The following CCNY variants were observed in gnomAD, a reference collection of about 807,000 sequenced individuals.
The protein encoded by CCNY is cyclin Y.
Under a neutral mutation model 42.8 loss-of-function variants are expected in CCNY, and 19 were observed. That is an observed-to-expected ratio of 0.44 (90% CI 0.31 to 0.65). CCNY has a LOEUF of 0.65. Ranked by LOEUF, CCNY falls within the 30% of genes least tolerant of loss-of-function variation. CCNY has a pLI of 0.07. For missense variants in CCNY, 370 were observed against 437.3 expected, an observed-to-expected ratio of 0.85 and a Z score of 1.37; for synonymous variants, 165 against 162.7, an observed-to-expected ratio of 1.01 and a Z score of -0.11.
chr10:35,498,763 CTG>C (rs777337627), intron 2 of CCNY, among the ~76,000 whole-genome samples: 14 of 152,186 alleles, frequency 9.2e-5, no homozygotes, highest in Non-Finnish European at 1.6e-4. Flanking sequence ...TTCTCAGAAA[CTG>C]TGCAGACTTC....
chr10:35,293,349 T>A (rs1285051334), intron 3 of CCNY, among the ~76,000 whole-genome samples: 1 of 152,224 alleles, frequency 6.6e-6, no homozygotes, highest in East Asian at 1.9e-4. Context: ...AAAACCATAC[T>A]GTCTTGATTA....
intron 3 of CCNY, among the ~76,000 whole-genome samples, chr10:35,270,737 T>TG (rs1488780399): frequency 6.7e-6 from 1 of 149,128 alleles, no homozygotes; most frequent in East Asian, 1.9e-4. Context: ...TCTTTTTTTT[T>TG]TTTTTTGAGA....
chr10:35,448,661 C>T (rs539078056), intron 1 of CCNY, among the ~76,000 whole-genome samples: 155 of 152,072 alleles, frequency 1.0e-3, no homozygotes, highest in African/African-American at 3.5e-3. Flanking sequence ...AAGGAGCCTT[C>T]CCAGCAGAGT....
upstream of CCNY, among the ~76,000 whole-genome samples, chr10:35,334,350 T>G (rs754110117): frequency 5.3e-5 from 8 of 152,350 alleles, no homozygotes; most frequent in Middle Eastern, 3.4e-3. Flanking sequence ...GACTGGATGC[T>G]GACTTTCATA....
chr10:35,350,464 A>C (rs1564377785), intron 1 of CCNY, among the ~76,000 whole-genome samples: 1 of 152,102 alleles, frequency 6.6e-6, no homozygotes, highest in Non-Finnish European at 1.5e-5. Flanking sequence ...AGAGTCTGTA[A>C]AGTTCTAATC....
intron 1 of CCNY, among the ~76,000 whole-genome samples, chr10:35,448,986 T>G (rs1470044974): frequency 6.6e-6 from 1 of 150,850 alleles, no homozygotes; most frequent in Non-Finnish European, 1.5e-5. Context: ...ATAGCGAGGG[T>G]GGAGGATGAG....
chr10:35,543,266 CA>C (rs1255999954), intron 7 of CCNY, among the ~76,000 whole-genome samples: 1 of 152,100 alleles, frequency 6.6e-6, no homozygotes, highest in East Asian at 1.9e-4. Context: ...TGACATATTA[CA>C]ATGTCAGGGT....
chr10:35,382,349 CTGCCGGCTCCTTTGCTTGGAGCA>C, intron 1 of CCNY, among the ~76,000 whole-genome samples: 1 of 152,204 alleles, frequency 6.6e-6, no homozygotes, highest in East Asian at 1.9e-4. Flanking sequence ...GCAAGAGCTC[CTGCCGGCTCCTTTGCTTGGAGCA>C]TGCAAAGGGG....
At chr10:35,247,795 A>G (rs2095709138) in intron 1 of CCNY, among the ~76,000 whole-genome samples, 1 of 148,430 alleles carries the variant, frequency 6.7e-6, no homozygotes, top group African/African-American at 2.5e-5. Flanking sequence ...AGAATGGCGT[A>G]AACCCAGGAG....
At chr10:35,486,622 T>G (rs1461935546) in intron 2 of CCNY, among the ~76,000 whole-genome samples, 1 of 152,182 alleles carries the variant, frequency 6.6e-6, no homozygotes, top group Non-Finnish European at 1.5e-5. Context: ...TCCTTAACCT[T>G]TCTCAAGGGC....
chr10:35,422,792 G>T (rs749114807), intron 1 of CCNY, among the ~76,000 whole-genome samples: 1 of 152,196 alleles, frequency 6.6e-6, no homozygotes, highest in Non-Finnish European at 1.5e-5. Flanking sequence ...TTAGTTACGT[G>T]TTAGGATGTC....
upstream of CCNY, chr10:35,336,434 A>AGGGAAGGGGCGGTGAC (rs1554777714): frequency 1.3e-5 from 2 of 151,478 alleles, no homozygotes; most frequent in Non-Finnish European, 2.9e-5. Context: ...TCCAGGGCAG[A>AGGGAAGGGGCGGTGAC]GGGAAGGGGC....
intron 3 of CCNY, among the ~76,000 whole-genome samples, chr10:35,254,769 T>A (rs2095714294): frequency 7.2e-6 from 1 of 138,862 alleles, no homozygotes; most frequent in African/African-American, 2.8e-5. Flanking sequence ...AGGTTAAGGC[T>A]GCAGTGAGCT....
chr10:35,394,758 CCTTA>C (rs1837486366), intron 1 of CCNY: 2 of 707,418 alleles, frequency 2.8e-6, no homozygotes, highest in African/African-American at 1.9e-5. Flanking sequence ...GTTTTTCATT[CCTTA>C]CTTAACCTCT....
chr10:35,451,885 C>A (rs1190962994), intron 1 of CCNY, among the ~76,000 whole-genome samples: 2 of 152,190 alleles, frequency 1.3e-5, no homozygotes, highest in African/African-American at 4.8e-5. Flanking sequence ...CCACACATTC[C>A]ACACTGGCTT....
chr10:35,486,229 C>T (rs568581517), intron 2 of CCNY, among the ~76,000 whole-genome samples: 2 of 152,216 alleles, frequency 1.3e-5, no homozygotes, highest in Non-Finnish European at 2.9e-5. Context: ...AGATACATTT[C>T]TTCCCAGCTC....
At chr10:35,434,808 G>A (rs150395066) in intron 1 of CCNY, among the ~76,000 whole-genome samples, 130 of 152,260 alleles carry the variant, frequency 8.5e-4, no homozygotes, top group African/African-American at 2.7e-3. Flanking sequence ...CTCAGCTGGG[G>A]CTGCTGCTTG....
At chr10:35,445,340 C>T (rs1838767568) in intron 1 of CCNY, among the ~76,000 whole-genome samples, 1 of 152,154 alleles carries the variant, frequency 6.6e-6, no homozygotes, top group South Asian at 2.1e-4. Context: ...CTGCTGTTTC[C>T]CACGGAGCCT....
chr10:35,556,376 C>T (rs1841363011), intron 8 of CCNY, among the ~76,000 whole-genome samples: 1 of 152,130 alleles, frequency 6.6e-6, no homozygotes, highest in Admixed American at 6.5e-5. Flanking sequence ...GACTGCAGGC[C>T]CTGAGTAGGC....
Sources: gnomAD v4.1 joint callset for allele counts (sites outside exome capture counted in the v4.1 genomes callset) on GRCh38, gnomAD v4.1.1 for gene constraint, MANE v1.5 for transcripts, NCBI Gene and HGNC (gene_info 2026-07-23, HGNC 2026-07-21) for gene names.